GRID2: variants seen among roughly 807,000 people sequenced by gnomAD.
GRID2 encodes the protein glutamate receptor ionotropic, delta-2.
A neutral mutation model predicts 114.8 loss-of-function variants in GRID2; 33 were observed. The ratio of observed to expected loss-of-function variants is 0.29; its 90% confidence interval spans 0.22 to 0.38. The LOEUF is 0.38. GRID2 is among the 10% of genes least tolerant of loss of function. GRID2 has a pLI of 1.00. For missense variants in GRID2, 1,184 were observed against 1,257.7 expected (o/e 0.94, Z 0.89); for synonymous variants, 505 against 449.9 (o/e 1.12, Z -1.55).
chr4:92,422,610 G>A (rs975967943), intron 1 of GRID2, among the ~76,000 whole-genome samples: 1 of 151,874 alleles, frequency 6.6e-6, no homozygotes, highest in African/African-American at 2.4e-5. Flanking sequence ...TTCCTGGGTG[G>A]GGGCCACAAG....
intron 1 of GRID2, among the ~76,000 whole-genome samples, chr4:92,572,257 C>G (rs2149193605): frequency 6.6e-6 from 1 of 152,352 alleles, no homozygotes; most frequent in African/African-American, 2.4e-5. Flanking sequence ...ATAAACACCT[C>G]TCTGCAAATA....
In GRID2 at chr4:92,385,900, G is replaced by A. The variant is rs11934059; in HGVS notation, c.88+81156G>A. Among the ~76,000 whole-genome samples the A allele has an allele frequency of 8.2e-3, 504 of 61,098 alleles. 6 individuals carry two copies. Among genetic ancestry groups the A allele is most frequent in the African/African-American group, 0.014 (314 of 21,904 alleles). 40.1% of individuals were successfully genotyped at this position (61,098 alleles called of 152,430 possible). A position where few individuals can be genotyped will look rare whatever the true frequency, so the allele number is the denominator to read the frequency against. The stretch of plus-strand genomic sequence containing the variant: ...CGTGTGTGTGTGTGTGTGTGTGTGT[G>A]TATATATATATATATATATATATAT... On this transcript the variant is annotated intron_variant, in intron 1 of 15. Transcript: ENST00000282020.
intron 2 of GRID2, among the ~76,000 whole-genome samples, chr4:92,731,992 A>C (rs2149325036): frequency 6.6e-6 from 1 of 152,088 alleles, no homozygotes; most frequent in East Asian, 1.9e-4. Flanking sequence ...TAGGGTATGT[A>C]GTCTTATCAC....
intron 1 of GRID2, among the ~76,000 whole-genome samples, chr4:92,383,971 G>A (rs531490818): frequency 6.6e-5 from 10 of 151,946 alleles, no homozygotes; most frequent in African/African-American, 2.2e-4. Flanking sequence ...TGGTAAAGTA[G>A]CCTTTAAGAT....
intron 4 of GRID2, among the ~76,000 whole-genome samples, chr4:93,143,337 C>T (rs976024189): frequency 1.3e-5 from 2 of 152,212 alleles, no homozygotes; most frequent in South Asian, 2.1e-4. Context: ...ATAAATATAA[C>T]AGTTTCCATG....
rs1203721203 is a variant in GRID2, at chr4:92,827,233, CA to C, written c.244+236953del. On this transcript the variant is annotated intron_variant, in intron 2 of 15. Coordinates refer to ENST00000282020, the MANE Select transcript of GRID2 (RefSeq NM_001510.4). ...TTATTTAAAACCATTTATATTTATC[CA>C]AAAAATATTTGTTAGTTATATTAAC... Among the ~76,000 whole-genome samples the C allele has an allele frequency of 2.6e-5, 4 of 151,524 alleles. No individual in the cohort carries two copies. The East Asian group carries it at 7.8e-4, about 29-fold the overall frequency.
rs1232267153 is a variant in GRID2 at position 92,698,239 on chromosome 4, A to G, written c.244+107953A>G. Among the ~76,000 whole-genome samples the G allele has an allele frequency of 2.0e-5, 3 of 152,282 alleles. No homozygotes were observed. In the East Asian group the frequency reaches 5.8e-4, roughly 29 times the overall value. On this transcript the variant is annotated intron_variant, in intron 2 of 15. Coordinates refer to ENST00000282020, the MANE Select transcript of GRID2 (RefSeq NM_001510.4). ...TGAAATTAATGTTCTGATTTCAGCA[A>G]TGGTTTAGGTTCTGTTCATAATCAC...
chr4:92,392,881 G>A (rs1398461649), intron 1 of GRID2, among the ~76,000 whole-genome samples: 4 of 152,078 alleles, frequency 2.6e-5, no homozygotes, highest in East Asian at 3.9e-4. Flanking sequence ...TGAACATAGT[G>A]CCAAACACAT....
chr4:93,577,280 G>A (rs1736514234), intron 13 of GRID2, among the ~76,000 whole-genome samples: 1 of 152,138 alleles, frequency 6.6e-6, no homozygotes, highest in South Asian at 2.1e-4. Context: ...TAAGAGGAGG[G>A]GGTGGGCATC....
intron 2 of GRID2, among the ~76,000 whole-genome samples, chr4:92,666,125 T>A (rs1732762842): frequency 6.6e-6 from 1 of 151,548 alleles, no homozygotes; most frequent in Non-Finnish European, 1.5e-5. Context: ...ATCCCTCAGA[T>A]TCAATAAATT....
intron 9 of GRID2, among the ~76,000 whole-genome samples, chr4:93,418,253 A>G (rs1403041709): frequency 1.3e-5 from 2 of 151,604 alleles, no homozygotes; most frequent in Non-Finnish European, 2.9e-5. Context: ...TTCCTCCTCT[A>G]TTTATTCTTG....
intron 10 of GRID2, among the ~76,000 whole-genome samples, chr4:93,429,116 A>G (rs1160685623): frequency 6.6e-6 from 1 of 152,204 alleles, no homozygotes; most frequent in Admixed American, 6.5e-5. Context: ...CTGCTGCTGC[A>G]GCCACTGAAA....
chr4:92,645,860 G>C (rs1731588196), intron 2 of GRID2, among the ~76,000 whole-genome samples: 1 of 151,288 alleles, frequency 6.6e-6, no homozygotes, highest in African/African-American at 2.4e-5. Context: ...CCTGTCTCCT[G>C]TTGATGAACA....
At chr4:93,449,634 G>C (rs994137321) in intron 10 of GRID2, among the ~76,000 whole-genome samples, 4 of 152,026 alleles carry the variant, frequency 2.6e-5, no homozygotes, top group African/African-American at 9.7e-5. Context: ...GACAAACGTG[G>C]CTTGATGGCA....
intron 2 of GRID2, among the ~76,000 whole-genome samples, chr4:93,068,145 A>G (rs902217885): frequency 2.0e-5 from 3 of 152,090 alleles, no homozygotes; most frequent in African/African-American, 7.2e-5. Flanking sequence ...ATTCAAATGC[A>G]TTTTATGCTA....
intron 8 of GRID2, among the ~76,000 whole-genome samples, chr4:93,343,637 T>A (rs1759887336): frequency 6.6e-6 from 1 of 152,044 alleles, no homozygotes; most frequent in Admixed American, 6.6e-5. Flanking sequence ...TATTTATCTT[T>A]CTGATGTCAT....
chr4:93,597,994 T>C (rs1335218211), intron 13 of GRID2, among the ~76,000 whole-genome samples: 1 of 152,190 alleles, frequency 6.6e-6, no homozygotes, highest in African/African-American at 2.4e-5. Context: ...GCAGCCTTAT[T>C]CCTTAATAAT....
chr4:92,633,619 G>C (rs898957687), intron 2 of GRID2, among the ~76,000 whole-genome samples: 1 of 152,072 alleles, frequency 6.6e-6, no homozygotes, highest in African/African-American at 2.4e-5. Flanking sequence ...ATGAGGTAAG[G>C]ATTTCTGATT....
intron 13 of GRID2, among the ~76,000 whole-genome samples, chr4:93,547,285 C>T (rs1349102280): frequency 1.3e-5 from 2 of 152,132 alleles, no homozygotes; most frequent in Non-Finnish European, 2.9e-5. Flanking sequence ...AGGATCATCT[C>T]CCTGCTTTCA....
Sources: gnomAD v4.1 joint callset for allele counts (sites outside exome capture counted in the v4.1 genomes callset) on GRCh38, gnomAD v4.1.1 for gene constraint, MANE v1.5 for transcripts, NCBI Gene and HGNC (gene_info 2026-07-23, HGNC 2026-07-21) for gene names.